Variants in LRRC41 observed in about 807,000 individuals in gnomAD.
LRRC41 encodes leucine rich repeat containing 41.
LRRC41 carries 17 observed loss-of-function variants against 72.1 expected under a neutral mutation model. That is an observed-to-expected ratio of 0.24 (90% CI 0.16 to 0.35). The LOEUF (loss-of-function observed/expected upper bound fraction) is 0.35. LRRC41 is among the 10% of genes least tolerant of loss of function. The pLI, the probability that LRRC41 is intolerant of heterozygous loss-of-function variation, is 1.00. For synonymous variants in LRRC41, 427 were observed against 431.0 expected (o/e 0.99, Z 0.11); for missense variants, 759 against 1,065.0 (o/e 0.71, Z 4.00).
chr1:46,281,532 A>C, intron 4 of LRRC41, 147 bp from the exon 5 acceptor site: 1 of 775,636 alleles, frequency 1.3e-6, no homozygotes, highest in Non-Finnish European at 2.1e-6. Context: ...TTAACTACTC[A>C]TCCATGTCTT....
At position 46,291,427 on chromosome 1, in the gene LRRC41, G is replaced by A. The variant is rs552376559; in HGVS notation, c.358-4928C>T. Reference sequence around the variant, plus strand: ...ATAGCTCACTGTAGCCTTGAATCCTGGGGCTCATGCAATCTTCCTGCCTTA... The same window carrying A: ...ATAGCTCACTGTAGCCTTGAATCCTAGGGCTCATGCAATCTTCCTGCCTTA... On this transcript the variant is annotated intron_variant, in intron 3 of 9. Transcript: ENST00000617190. Among the ~76,000 whole-genome samples the A allele has an allele frequency of 2.5e-3, 373 of 151,938 alleles. 1 individual carries two copies. Among genetic ancestry groups the A allele is most frequent in the African/African-American group, 8.6e-3 (357 of 41,410 alleles).
At position 46,280,503 on chromosome 1, in the gene LRRC41, A is replaced by T. The variant is rs774123042; in HGVS notation, c.1814T>A (p.Leu605Gln). Residue 605 changes from leucine to glutamine, a missense_variant, in exon 6 of 10, where the codon CTG becomes CAG. Physicochemically the swap from Leu to Gln is moderately radical, Grantham distance 113. Around this residue, in one of 4 missense-constraint regions of LRRC41, gnomAD observed 427 missense variants for 520.9 expected, o/e 0.82. Transcript: ENST00000617190. ...GFPRGAQPAP[L>Q]LCSVLKASGS... ...CGAGGCCTTCAGAACGGAGCACAGC[A>T]GTGGGGCTGGCTGGGCTCCCCGTGG... is the stretch of plus-strand genomic sequence containing the variant. 1.2e-6 allele frequency: 2 copies of T among 1,614,190 alleles called. No homozygotes were observed. The highest frequency in any genetic ancestry group is 3.3e-5 in the Admixed American group (2 of 60,018).
Position 46,298,588 on chromosome 1 carries a change from A to T in LRRC41, c.200-218T>A, listed in dbSNP as rs72883423. The T allele has an allele frequency of 3.2e-3, 1,436 of 443,244 alleles. 23 individuals are homozygous for T. Among genetic ancestry groups the T allele is most frequent in the African/African-American group, 0.024 (1,174 of 49,246 alleles). 27.5% of individuals were successfully genotyped at this position (443,244 alleles called of 1,614,324 possible). On this transcript the variant is annotated intron_variant, in intron 1 of 9. Coordinates refer to ENST00000617190, the MANE Select transcript of LRRC41 (RefSeq NM_006369.5). ...CTGGAATTTCAGGGGCAAGGGTGAG[A>T]TCATCCCACAAAACAAGCTGACATG...
chr1:46,296,022 A>C (rs1661118688), intron 3 of LRRC41, among the ~76,000 whole-genome samples: 1 of 152,194 alleles, frequency 6.6e-6, no homozygotes, highest in African/African-American at 2.4e-5. Flanking sequence ...ACTTCCTAGG[A>C]AAGACTTTCT....
Position 46,303,120 on chromosome 1 carries a change from T to C in LRRC41, c.199+4A>G, listed in dbSNP as rs1486104703. ...CAGAGGTAGCCCCTCACCCCGCGAC[T>C]TACCCCACACCCCGCTCTCCAGAAC... On this transcript the variant is annotated splice_donor_region_variant and intron_variant, in intron 1 of 9. Transcript: ENST00000617190. 1.3e-5 allele frequency: 18 copies of C among 1,350,396 alleles called. No individual in the cohort carries two copies. The highest frequency in any genetic ancestry group is 1.7e-5 in the Non-Finnish European group (18 of 1,045,180). 83.7% of individuals were successfully genotyped at this position (1,350,396 alleles called of 1,614,324 possible). A position where few individuals can be genotyped will look rare whatever the true frequency, so the allele number is the denominator to read the frequency against.
Position 46,278,624 on chromosome 1 carries a change from G to A in LRRC41, c.*241C>T. On this transcript the variant is annotated 3_prime_UTR_variant, in exon 10 of 10. Coordinates refer to ENST00000617190, the MANE Select transcript of LRRC41 (RefSeq NM_006369.5). ...ATTATGATGACCACTGTAACCTCCTGGCCCAGGGTTCCCAGGATACTGAGT... is the reference window on the plus strand; with the variant it reads ...ATTATGATGACCACTGTAACCTCCTAGCCCAGGGTTCCCAGGATACTGAGT... 3.3e-6 allele frequency: 2 copies of A among 607,692 alleles called. No individual in the cohort carries two copies. Among genetic ancestry groups the A allele is most frequent in the Non-Finnish European group, 5.8e-6 (2 of 346,188 alleles). The allele number at this position is 607,692 out of a possible 1,614,324, so 37.6% of individuals were successfully genotyped here.
chr1:46,282,438 A>G (rs1023299112), intron 4 of LRRC41, among the ~76,000 whole-genome samples: 1 of 152,186 alleles, frequency 6.6e-6, no homozygotes, highest in Non-Finnish European at 1.5e-5. Context: ...GTGCCTACTA[A>G]ATATCAAGTT....
At position 46,303,530 on chromosome 1, in the gene LRRC41, A is replaced by C. The variant is rs1454385696; in HGVS notation, c.-208T>G. 7 of 741,320 alleles carry C rather than the reference A, an allele frequency of 9.4e-6. No individual in the cohort carries two copies. Among genetic ancestry groups the C allele is most frequent in the Non-Finnish European group, 1.3e-5 (6 of 464,138 alleles). The allele number at this position is 741,320 out of a possible 1,614,324, so 45.9% of individuals were successfully genotyped here. A position where few individuals can be genotyped will look rare whatever the true frequency, so the allele number is the denominator to read the frequency against. On this transcript the variant is annotated 5_prime_UTR_variant, in exon 1 of 10. It introduces an in-frame stop codon into an upstream open reading frame of the 5' UTR. Transcript: ENST00000617190. ...AATTATACTTGGGTGTGGTATGACT[A>C]AGGGGATGTTTCTTAGCAAAGCCTC...
intron 3 of LRRC41, among the ~76,000 whole-genome samples, chr1:46,292,442 C>G (rs1006691958): frequency 4.6e-5 from 7 of 152,120 alleles, no homozygotes; most frequent in Non-Finnish European, 1.0e-4. Context: ...AGATTGCCTA[C>G]CAAGAAAGTT....
At chr1:46,296,402 G>A (rs1249586280) in intron 3 of LRRC41, among the ~76,000 whole-genome samples, 2 of 151,994 alleles carry the variant, frequency 1.3e-5, no homozygotes, top group African/African-American at 2.4e-5. Flanking sequence ...GGACAACAAG[G>A]GCAAAACTCC....
At position 46,279,464 on chromosome 1, in the gene LRRC41, C is replaced by G. The variant is rs777542436; in HGVS notation, c.2143+28G>C. ...AGGTCAAAGGCCTAGCTCCTTTCCC[C>G]TCTCCCTCCCCAGGGTCTGGCCCCC... On this transcript the variant is annotated intron_variant, in intron 8 of 9. Coordinates refer to ENST00000617190, the MANE Select transcript of LRRC41 (RefSeq NM_006369.5). The surrounding 1 kb of genome is among the most constrained non-coding windows in gnomAD (Gnocchi z 4.5). The G allele has an allele frequency of 1.2e-6, 2 of 1,614,026 alleles. No individual in the cohort carries two copies. The highest frequency in any genetic ancestry group is 1.3e-5 in the African/African-American group (1 of 74,908).
chr1:46,281,227 C>T lies in LRRC41; in HGVS notation c.1654G>A (p.Val552Ile). 6.2e-7 allele frequency: 1 copy of T among 1,614,174 alleles called. No homozygotes were observed. ...GGGTGGTCAACACGAATAGAGAGGA[C>T]CCGTAGCAGGGGCAGTGCTCGCACG... is the stretch of plus-strand genomic sequence containing the variant. ...AIVRALPLLR[V>I]LSIRVDHPSQ... is the part of the protein sequence containing the mutation. Residue 552 changes from valine (V) to isoleucine (I), a missense_variant, in exon 5 of 10, where the codon GTC (valine) becomes ATC (isoleucine). Val to Ile is a conservative substitution (Grantham distance 29). Around this residue, in one of 4 missense-constraint regions of LRRC41, gnomAD observed 427 missense variants for 520.9 expected, o/e 0.82. Transcript: ENST00000617190.
chr1:46,279,463 CCT>C lies in LRRC41; in HGVS notation c.2143+27_2143+28del. On this transcript the variant is annotated intron_variant, in intron 8 of 9. Transcript: ENST00000617190. The surrounding 1 kb of genome is among the most constrained non-coding windows in gnomAD (Gnocchi z 4.5). The stretch of plus-strand genomic sequence containing the variant: ...TAGGTCAAAGGCCTAGCTCCTTTCC[CCT>C]CTCCCTCCCCAGGGTCTGGCCCCCA... The C allele has an allele frequency of 1.2e-6, 2 of 1,614,160 alleles. No homozygotes were observed. The highest frequency in any genetic ancestry group is 1.7e-6 in the Non-Finnish European group (2 of 1,180,034).
chr1:46,296,882 C>T (rs188037580), intron 3 of LRRC41: 2 of 152,336 alleles, frequency 1.3e-5, no homozygotes, highest in East Asian at 1.9e-4. Context: ...ATTAATCCCT[C>T]CTTCATGTGA....
At chr1:46,287,043 T>TC (rs1660898954) in intron 3 of LRRC41, among the ~76,000 whole-genome samples, 1 of 151,890 alleles carries the variant, frequency 6.6e-6, no homozygotes, top group Non-Finnish European at 1.5e-5. Context: ...CCTCAAGTGT[T>TC]CCGTCCGCCT....
At position 46,278,444 on chromosome 1, in the gene LRRC41, T is replaced by TA. The variant is rs1021043575; in HGVS notation, c.*420dup. On this transcript the variant is annotated 3_prime_UTR_variant, in exon 10 of 10. Transcript: ENST00000617190. The stretch of plus-strand genomic sequence containing the variant: ...ATTTTATAAGAAAAACTTTTTTGGT[T>TA]AAAAAAAAGAATAAAGGTATGAAAG... 5.1e-5 allele frequency: 45 copies of TA among 882,704 alleles called. No homozygotes were observed. The highest frequency in any genetic ancestry group is 6.3e-5 in the Non-Finnish European group (36 of 567,090). 54.7% of individuals were successfully genotyped at this position (882,704 alleles called of 1,614,324 possible).
In LRRC41 at chr1:46,302,516, G is replaced by A; in HGVS notation, c.199+608C>T. The A allele has an allele frequency of 2.0e-6, 2 of 985,336 alleles. No homozygotes were observed. The highest frequency in any genetic ancestry group is 2.4e-6 in the Non-Finnish European group (2 of 829,900). 61.0% of individuals were successfully genotyped at this position (985,336 alleles called of 1,614,324 possible). A position where few individuals can be genotyped will look rare whatever the true frequency, so the allele number is the denominator to read the frequency against. On this transcript the variant is annotated intron_variant, in intron 1 of 9. Transcript: ENST00000617190. This position sits in a 1 kb window ranked among gnomAD's most constrained non-coding sequence, Gnocchi z 4.7. The stretch of plus-strand genomic sequence containing the variant: ...TCAGCCCTGGGCCGTCAGACAGGCC[G>A]CGGCGCCCCGACCCTTTCGTTCGGC...
At position 46,279,120 on chromosome 1, in the gene LRRC41, A is replaced by G; in HGVS notation, c.2220-36T>C. 1.2e-6 allele frequency: 2 copies of G among 1,606,202 alleles called. No individual in the cohort carries two copies. The highest frequency in any genetic ancestry group is 1.1e-5 in the South Asian group (1 of 90,736). On this transcript the variant is annotated intron_variant, in intron 9 of 9. Transcript: ENST00000617190. This position sits in a 1 kb window ranked among gnomAD's most constrained non-coding sequence, Gnocchi z 4.5. The stretch of plus-strand genomic sequence containing the variant: ...GAGATGGATTAGATATCCAGGAAGC[A>G]GTGAATTCCTGGTCTATATCTCTGT...
Position 46,286,435 on chromosome 1 carries a change from A to G in LRRC41, c.422T>C (p.Ile141Thr). The change falls in exon 4 of 10, where the codon ATT (isoleucine) becomes ACT (threonine). Residue 141 changes from isoleucine to threonine, a missense_variant. Transcript: ENST00000617190. The surrounding 1 kb of genome is among the most constrained non-coding windows in gnomAD (Gnocchi z 5.5). The stretch of plus-strand genomic sequence containing the variant: ...AAGACGCCTGTCAGAAGACACATCA[A>G]TGGTCCCACGTAGAACATGGGAAAA... Reference protein sequence around the residue: ...AFFSHVLRGTIDVSSDRRLCD... With the variant: ...AFFSHVLRGTTDVSSDRRLCD... 1.2e-6 allele frequency: 2 copies of G among 1,614,160 alleles called. No homozygotes were observed. The highest frequency in any genetic ancestry group is 8.5e-7 in the Non-Finnish European group (1 of 1,179,998).
Sources: allele counts gnomAD v4.1 joint callset (sites outside exome capture counted in the v4.1 genomes callset), GRCh38; gene constraint gnomAD v4.1.1; regional missense constraint gnomAD v4.1.1; non-coding constraint Gnocchi (gnomAD v3.1); transcripts MANE v1.5; gene names NCBI Gene and HGNC (gene_info 2026-07-23, HGNC 2026-07-21).